Variants in ENG observed in about 807,000 individuals in gnomAD.
The protein encoded by ENG is CD105 antigen.
In ENG, 17 loss-of-function variants were observed where a neutral mutation model predicts 71.0. The observed-to-expected ratio is 0.24, with a 90% confidence interval of 0.16 to 0.36. The LOEUF (loss-of-function observed/expected upper bound fraction) is 0.36, where lower values mean the gene tolerates loss of function less well. ENG is among the 10% of genes least tolerant of loss of function. The probability of loss-of-function intolerance (pLI) is 1.00; values close to 1 mark genes in which losing one functional copy is unlikely to be tolerated. For missense variants in ENG, 749 were observed against 868.3 expected (o/e 0.86, Z 1.73); for synonymous variants, 360 against 366.9 (o/e 0.98, Z 0.21).
In ENG at chr9:127,843,105, C is replaced by T. The variant is rs1179814153; in HGVS notation, c.208G>A (p.Glu70Lys). ...AILEVHVLFL[E>K]FPTGPSQLEL... ...CATGGGACACTCACCGTTGGGAACTCCAGGAAGAGGACATGGACTTCAAGG... is the reference window on the plus strand; with the variant it reads ...CATGGGACACTCACCGTTGGGAACTTCAGGAAGAGGACATGGACTTCAAGG... The change falls in exon 2 of 15, where the codon GAG becomes AAG. Residue 70 changes from glutamate (E) to lysine (K), a missense_variant. By Grantham distance (56) the Glu-to-Lys change is moderately conservative. Coordinates refer to ENST00000373203, the MANE Select transcript of ENG (RefSeq NM_001114753.3). 7 of 1,613,938 alleles carry T rather than the reference C, an allele frequency of 4.3e-6. No individual in the cohort carries two copies. The highest frequency in any genetic ancestry group is 5.9e-6 in the Non-Finnish European group (7 of 1,179,970).
At chr9:127,835,807 C>T (rs1045947970) in intron 2 of ENG, among the ~76,000 whole-genome samples, 5 of 152,152 alleles carry the variant, frequency 3.3e-5, no homozygotes, top group African/African-American at 1.2e-4. Context: ...ACAGCCTGGT[C>T]ATGCTGTCTG....
chr9:127,820,104 CCAAGGACTGA>C (rs1235531540), intron 8 of ENG, 67 bp from the exon 9 acceptor site: 3 of 1,578,812 alleles, frequency 1.9e-6, no homozygotes, highest in African/African-American at 2.7e-5. Context: ...CACCCCAGCA[CCAAGGACTGA>C]CCACAACCCA....
rs1157498025 is a variant in ENG at position 127,818,162 on chromosome 9, G to A, written c.1644C>T (p.Ser548=). ...TVPIPKTGTL[S]CTVALRPKTG... Reference sequence around the variant, plus strand: ...TCTTGGGACGCAGGGCTACCGTGCAGCTGAGGGTGCCGGTTTTGGGTATGG... The same window carrying A: ...TCTTGGGACGCAGGGCTACCGTGCAACTGAGGGTGCCGGTTTTGGGTATGG... Residue 548 remains serine (S), a synonymous_variant, in exon 12 of 15, where the codon AGC becomes AGT. Coordinates refer to ENST00000373203, the MANE Select transcript of ENG (RefSeq NM_001114753.3). The A allele has an allele frequency of 6.2e-7, 1 of 1,614,240 alleles. No homozygotes were observed. The highest frequency in any genetic ancestry group is 8.5e-7 in the Non-Finnish European group (1 of 1,180,050).
chr9:127,819,237 CTT>C (rs757591987), intron 10 of ENG: 1,117 of 265,126 alleles, frequency 4.2e-3, no homozygotes, highest in Middle Eastern at 8.5e-3. Flanking sequence ...GCGCCCGGCC[CTT>C]TTTTTTTTTT....
intron 2 of ENG, among the ~76,000 whole-genome samples, chr9:127,833,462 T>C (rs1830817086): frequency 7.2e-6 from 1 of 138,330 alleles, no homozygotes. Context: ...GCGGAGGTTG[T>C]GGTGAGCCAA....
chr9:127,819,547 C>T (rs1588576483), intron 10 of ENG, 75 bp downstream of exon 10: 2 of 1,601,246 alleles, frequency 1.2e-6, no homozygotes, highest in East Asian at 4.5e-5. Context: ...CCTGCTCCCT[C>T]CCAGGCCAGG....
In ENG at chr9:127,846,930, C is replaced by T. The variant is rs1831180856; in HGVS notation, c.68-3685G>A. On this transcript the variant is annotated intron_variant, in intron 1 of 14. Transcript: ENST00000373203. The surrounding 1 kb of genome is among the most constrained non-coding windows in gnomAD (Gnocchi z 5.5). ...CAGCACCTCCCAGATTTCCAGAGGG[C>T]TACCTTCAGCACCTTGGAGGATGAT... 1 of 985,556 alleles carries T rather than the reference C, an allele frequency of 1.0e-6. No individual in the cohort carries two copies. Among genetic ancestry groups the T allele is most frequent in the Non-Finnish European group, 1.2e-6 (1 of 830,028 alleles). The allele number at this position is 985,556 out of a possible 1,614,324, so 61.1% of individuals were successfully genotyped here.
chr9:127,842,123 C>T (rs991577407), intron 2 of ENG, among the ~76,000 whole-genome samples: 3 of 152,160 alleles, frequency 2.0e-5, no homozygotes, highest in South Asian at 2.1e-4. Context: ...GTCTCCAGGC[C>T]GGCAGCAGCC....
At chr9:127,816,180 TCA>T in intron 13 of ENG, 127 bp from the exon 14 acceptor site, 2 of 1,182,116 alleles carry the variant, frequency 1.7e-6, no homozygotes, top group East Asian at 2.6e-5. Context: ...TCTCTGAACC[TCA>T]GTCTCCTCTT....
Position 127,829,754 on chromosome 9 carries a change from A to C in ENG, c.293T>G (p.Val98Gly). ...GAAGACACTGCTGTTTACACTGAGGACCAGAAGCACCTCTCGGGGCCAGGT... is the reference window on the plus strand; with the variant it reads ...GAAGACACTGCTGTTTACACTGAGGCCCAGAAGCACCTCTCGGGGCCAGGT... ...NGTWPREVLLVLSVNSSVFLH... is the reference protein window; with the variant it reads ...NGTWPREVLLGLSVNSSVFLH... The change falls in exon 3 of 15, where the codon GTC (valine) becomes GGC (glycine). Residue 98 changes from valine (V) to glycine (G), a missense_variant. Transcript: ENST00000373203. 1 of 1,614,088 alleles carries C rather than the reference A, an allele frequency of 6.2e-7. No individual in the cohort carries two copies. The highest frequency in any genetic ancestry group is 8.5e-7 in the Non-Finnish European group (1 of 1,180,014).
Position 127,836,524 on chromosome 9 carries a change from T to C in ENG, c.219+6570A>G, listed in dbSNP as rs1830907317. 6.6e-6 allele frequency among the ~76,000 whole-genome samples: 1 copy of C among 152,240 alleles called. No homozygotes were observed. The highest frequency in any genetic ancestry group is 1.5e-5 in the Non-Finnish European group (1 of 68,034). Reference sequence around the variant, plus strand: ...CAGGGCCTGACTGGAGGCGGTCAGATTGGAGCCAGCCGTCCCTCTGTCCAC... The same window carrying C: ...CAGGGCCTGACTGGAGGCGGTCAGACTGGAGCCAGCCGTCCCTCTGTCCAC... On this transcript the variant is annotated intron_variant, in intron 2 of 14. Transcript: ENST00000373203. The surrounding 1 kb of genome is among the most constrained non-coding windows in gnomAD (Gnocchi z 4.0).
At position 127,827,787 on chromosome 9, in the gene ENG, G is replaced by A. The variant is rs568498828; in HGVS notation, c.361-1115C>T. On this transcript the variant is annotated intron_variant, in intron 3 of 14. Coordinates refer to ENST00000373203, the MANE Select transcript of ENG (RefSeq NM_001114753.3). ...AACCAGCACTTTGGGAGGCCGAGGC[G>A]GGTGGATCCCCTGAGGTCAGGAGTT... 1.1e-4 allele frequency among the ~76,000 whole-genome samples: 16 copies of A among 151,950 alleles called. No homozygotes were observed. The South Asian group carries it at 1.5e-3, about 14-fold the overall frequency.
chr9:127,828,206 C>G (rs1037186673), intron 3 of ENG, among the ~76,000 whole-genome samples: 1 of 152,040 alleles, frequency 6.6e-6, no homozygotes, highest in East Asian at 1.9e-4. Flanking sequence ...TGTAGGGATT[C>G]AACAAGGGGG....
At chr9:127,825,628 CG>C in intron 5 of ENG, 66 bp downstream of exon 5, 4 of 1,079,830 alleles carry the variant, frequency 3.7e-6, no homozygotes, top group Non-Finnish European at 5.0e-6. Flanking sequence ...GGAGAGGGGG[CG>C]GGGGGGGTCA....
chr9:127,845,163 G>C (rs1831140030), intron 1 of ENG, among the ~76,000 whole-genome samples: 2 of 152,222 alleles, frequency 1.3e-5, no homozygotes, highest in African/African-American at 4.8e-5. Context: ...TTTTCTTGGA[G>C]ATCAAAGATG....
At chr9:127,843,350 C>T in intron 1 of ENG, 105 bp from the exon 2 acceptor site, 1 of 1,451,928 alleles carries the variant, frequency 6.9e-7, no homozygotes, top group Non-Finnish European at 9.6e-7. Context: ...TAACGGCTTT[C>T]CTGCATCATC....
chr9:127,844,464 C>T (rs753741067), intron 1 of ENG, among the ~76,000 whole-genome samples: 7 of 150,464 alleles, frequency 4.7e-5, no homozygotes, highest in African/African-American at 9.8e-5. Context: ...TGCTCTGTTG[C>T]TCAGGCTGGA....
intron 14 of ENG, 50 bp from the exon 15 acceptor site, chr9:127,815,856 C>T (rs898513736): frequency 1.0e-5 from 16 of 1,551,676 alleles, no homozygotes; most frequent in African/African-American, 1.4e-5. Flanking sequence ...CTGGCCAGGG[C>T]CCCTCAATCC....
chr9:127,843,641 G>A (rs1831095887), intron 1 of ENG, among the ~76,000 whole-genome samples: 1 of 141,400 alleles, frequency 7.1e-6, no homozygotes, highest in Non-Finnish European at 1.5e-5. Context: ...ATGTGTGTGT[G>A]TATATATACA....
Sources: gnomAD v4.1 joint callset for allele counts (sites outside exome capture counted in the v4.1 genomes callset) on GRCh38, gnomAD v4.1.1 for gene constraint, Gnocchi (gnomAD v3.1) non-coding constraint, MANE v1.5 for transcripts, NCBI Gene and HGNC (gene_info 2026-07-23, HGNC 2026-07-21) for gene names.